The following CHCHD3 variants were observed in gnomAD, a reference collection of about 807,000 sequenced individuals.
CHCHD3 encodes the protein coiled-coil-helix-coiled-coil-helix domain containing 3, also known as MICOS complex subunit MIC19.
A neutral mutation model predicts 38.2 loss-of-function variants in CHCHD3; 20 were observed. The observed-to-expected ratio is 0.52, with a 90% CI of 0.37 to 0.76. CHCHD3 has a LOEUF of 0.76. Ranked by LOEUF, CHCHD3 falls within the 30% of genes least tolerant of loss-of-function variation. The pLI, the probability that CHCHD3 is intolerant of heterozygous loss-of-function variation, is 0.00. For synonymous variants in CHCHD3, 82 were observed against 100.0 expected (o/e 0.82, Z 1.07); for missense variants, 245 against 279.2 (o/e 0.88, Z 0.87).
chr7:132,972,750 A>G, intron 4 of CHCHD3: 1 of 985,384 alleles, frequency 1.0e-6, no homozygotes, highest in Non-Finnish European at 1.2e-6. Flanking sequence ...AAGTGCTTTG[A>G]GGGCTCTATT....
At chr7:132,957,802 A>G (rs1403997326) in intron 4 of CHCHD3, among the ~76,000 whole-genome samples, 1 of 152,040 alleles carries the variant, frequency 6.6e-6, no homozygotes, top group African/African-American at 2.4e-5. Flanking sequence ...TCTTCAATAA[A>G]CTTTTGAAAA....
chr7:133,032,598 G>A (rs1813533525), intron 2 of CHCHD3, among the ~76,000 whole-genome samples: 1 of 152,282 alleles, frequency 6.6e-6, no homozygotes, highest in Admixed American at 6.5e-5. Context: ...CTAGCTCCAT[G>A]TTCCATTCCA....
At position 133,031,319 on chromosome 7, in the gene CHCHD3, T is replaced by C. The variant is rs1440533022; in HGVS notation, c.170-6692A>G. ...GACATAATTATACATTTTAGATAGA[T>C]CCTTGAATGGTGAATAGAAATGACT... On this transcript the variant is annotated intron_variant, in intron 2 of 7. Coordinates refer to ENST00000262570, the MANE Select transcript of CHCHD3 (RefSeq NM_017812.4). Among the ~76,000 whole-genome samples the C allele has an allele frequency of 2.0e-5, 3 of 152,144 alleles. No individual in the cohort carries two copies. The East Asian group carries it at 5.8e-4, about 29-fold the overall frequency.
intron 2 of CHCHD3, among the ~76,000 whole-genome samples, chr7:133,064,063 A>G (rs1365989098): frequency 4.6e-5 from 7 of 152,154 alleles, no homozygotes; most frequent in Non-Finnish European, 7.3e-5. Flanking sequence ...TATCTCACTC[A>G]CATGTTGATT....
intron 7 of CHCHD3, among the ~76,000 whole-genome samples, chr7:132,792,058 C>A (rs569670455): frequency 1.7e-3 from 254 of 152,188 alleles, no homozygotes; most frequent in Non-Finnish European, 2.5e-3. Context: ...GGACCCCTGA[C>A]AGACTCATCA....
At chr7:133,061,855 A>G (rs1301046172) in intron 2 of CHCHD3, among the ~76,000 whole-genome samples, 2 of 152,226 alleles carry the variant, frequency 1.3e-5, no homozygotes, top group East Asian at 3.8e-4. Flanking sequence ...TTCTATAATG[A>G]TCCACATGGG....
intron 2 of CHCHD3, among the ~76,000 whole-genome samples, chr7:133,042,411 A>T (rs771032381): frequency 2.6e-5 from 4 of 152,196 alleles, no homozygotes; most frequent in African/African-American, 4.8e-5. Flanking sequence ...ACAGTCTTTT[A>T]TTGCTTGCTG....
chr7:132,903,625 G>A (rs1036072394), intron 4 of CHCHD3, among the ~76,000 whole-genome samples: 18 of 152,242 alleles, frequency 1.2e-4, no homozygotes, highest in African/African-American at 3.1e-4. Context: ...CATAATTCTC[G>A]TTTGGTCTTG....
chr7:132,884,781 C>T (rs1173127986), intron 5 of CHCHD3, among the ~76,000 whole-genome samples: 3 of 152,160 alleles, frequency 2.0e-5, no homozygotes, highest in Non-Finnish European at 4.4e-5. Context: ...CATTCTTAAA[C>T]TCACTGCCTT....
chr7:132,905,007 A>C (rs1322823805), intron 4 of CHCHD3, among the ~76,000 whole-genome samples: 1 of 150,552 alleles, frequency 6.6e-6, no homozygotes, highest in African/African-American at 2.4e-5. Context: ...AGAAAACCAA[A>C]CACTGCATGT....
chr7:132,926,532 C>T (rs988967280), intron 4 of CHCHD3, among the ~76,000 whole-genome samples: 2 of 152,066 alleles, frequency 1.3e-5, no homozygotes, highest in African/African-American at 2.4e-5. Flanking sequence ...GTATTCTATC[C>T]GTAAAAGGAA....
At chr7:132,947,204 A>G (rs10240304) in intron 4 of CHCHD3, among the ~76,000 whole-genome samples, 6,509 of 152,078 alleles carry the variant, frequency 0.043, 305 homozygotes, top group African/African-American at 0.12. Context: ...TATTATTATC[A>G]TAGTTGAAGG....
chr7:132,834,981 T>A (rs1284489132), intron 6 of CHCHD3, among the ~76,000 whole-genome samples: 1 of 135,658 alleles, frequency 7.4e-6, no homozygotes, highest in East Asian at 2.4e-4. Flanking sequence ...TATTTATTTA[T>A]TTATTTAGAG....
At chr7:132,795,882 G>A in intron 7 of CHCHD3, among the ~76,000 whole-genome samples, 1 of 152,264 alleles carries the variant, frequency 6.6e-6, no homozygotes, top group South Asian at 2.1e-4. Flanking sequence ...TGATATGAAG[G>A]GTCAAGAGAA....
At chr7:133,042,835 T>C (rs1813869291) in intron 2 of CHCHD3, among the ~76,000 whole-genome samples, 1 of 152,198 alleles carries the variant, frequency 6.6e-6, no homozygotes, top group Non-Finnish European at 1.5e-5. Flanking sequence ...TTAATAAAGA[T>C]CATGACAAAG....
intron 4 of CHCHD3, chr7:132,886,879 G>T (rs1030724346): frequency 1.4e-6 from 1 of 724,624 alleles, no homozygotes; most frequent in South Asian, 6.8e-5. Flanking sequence ...ATCAAGTATT[G>T]TCTGTTTCAG....
At chr7:132,917,675 G>A (rs1475606997) in intron 4 of CHCHD3, among the ~76,000 whole-genome samples, 1 of 151,910 alleles carries the variant, frequency 6.6e-6, no homozygotes, top group Non-Finnish European at 1.5e-5. Flanking sequence ...TGGTTAACAC[G>A]GTGAAACCCC....
chr7:132,954,755 G>A (rs967458875), intron 4 of CHCHD3, among the ~76,000 whole-genome samples: 1 of 152,118 alleles, frequency 6.6e-6, no homozygotes, highest in Non-Finnish European at 1.5e-5. Context: ...GGGCCAAGTA[G>A]AGCAGATATC....
intron 3 of CHCHD3, among the ~76,000 whole-genome samples, chr7:133,009,671 G>C (rs1406615954): frequency 6.6e-6 from 1 of 152,156 alleles, no homozygotes. Context: ...CTTTGACAGG[G>C]TTCATGAGGG....
Sources: gnomAD v4.1 joint callset for allele counts (sites outside exome capture counted in the v4.1 genomes callset) on GRCh38, gnomAD v4.1.1 for gene constraint, MANE v1.5 for transcripts, NCBI Gene and HGNC (gene_info 2026-07-23, HGNC 2026-07-21) for gene names.